The following TENM3 variants were observed in gnomAD, a reference collection of about 807,000 sequenced individuals.
TENM3 encodes teneurin-3.
A neutral mutation model predicts 255.1 loss-of-function variants in TENM3; 63 were observed. The observed-to-expected ratio is 0.25, with a 90% confidence interval of 0.20 to 0.30. The LOEUF (loss-of-function observed/expected upper bound fraction) is 0.30, where lower values mean the gene tolerates loss of function less well. TENM3 is among the 10% of genes least tolerant of loss of function. TENM3 has a pLI of 1.00. For missense variants in TENM3, 2,929 were observed against 3,461.1 expected (o/e 0.85, Z 3.86); for synonymous variants, 1,306 against 1,322.3 (o/e 0.99, Z 0.27).
chr4:182,037,533 A>G, the TENM3 span, among the ~76,000 whole-genome samples: 1 of 152,188 alleles, frequency 6.6e-6, no homozygotes, highest in South Asian at 2.1e-4. Flanking sequence ...GTATTTTCCT[A>G]GGAGATAGTT....
At chr4:181,718,601 C>T in the TENM3 span, among the ~76,000 whole-genome samples, 1 of 152,144 alleles carries the variant, frequency 6.6e-6, no homozygotes, top group Non-Finnish European at 1.5e-5. Context: ...AGGGTTTGGT[C>T]GCAATGGAAA....
intron 1 of TENM3, among the ~76,000 whole-genome samples, chr4:182,273,567 TC>T (rs1211832196): frequency 1.3e-5 from 2 of 152,212 alleles, no homozygotes; most frequent in East Asian, 1.9e-4. Context: ...TCAAACATCT[TC>T]CAGGAAGCTC....
At chr4:182,313,271 T>C (rs896323195) in intron 1 of TENM3, among the ~76,000 whole-genome samples, 4 of 151,914 alleles carry the variant, frequency 2.6e-5, no homozygotes, top group Non-Finnish European at 4.4e-5. Context: ...AGTTATTCAG[T>C]AGCTATTTTA....
chr4:182,432,409 A>G (rs1771728945), intron 3 of TENM3, among the ~76,000 whole-genome samples: 1 of 152,214 alleles, frequency 6.6e-6, no homozygotes, highest in African/African-American at 2.4e-5. Flanking sequence ...GCTTTTGTAT[A>G]TGTTAAATGC....
intron 1 of TENM3, among the ~76,000 whole-genome samples, chr4:182,173,688 A>C (rs1752255246): frequency 6.6e-6 from 1 of 152,212 alleles, no homozygotes; most frequent in African/African-American, 2.4e-5. Context: ...AATGGGTATC[A>C]TCTGCCCGTG....
intron 13 of TENM3, among the ~76,000 whole-genome samples, chr4:182,726,954 A>G (rs1454132365): frequency 6.6e-6 from 1 of 152,188 alleles, no homozygotes; most frequent in African/African-American, 2.4e-5. Context: ...TTAAAAAAAG[A>G]CTTTATTTTA....
the TENM3 span, among the ~76,000 whole-genome samples, chr4:181,938,009 G>A: frequency 6.6e-6 from 1 of 152,110 alleles, no homozygotes; most frequent in Non-Finnish European, 1.5e-5. Flanking sequence ...GATAGCAGCT[G>A]GGCCACACAA....
chr4:182,679,974 G>GGGTGT, intron 8 of TENM3, 98 bp downstream of exon 8: 1 of 1,061,002 alleles, frequency 9.4e-7, no homozygotes, highest in Non-Finnish European at 1.4e-6. Flanking sequence ...GTAATTCCTA[G>GGGTGT]GGTGTTAAAG....
the TENM3 span, among the ~76,000 whole-genome samples, chr4:181,953,697 A>G: frequency 2.0e-5 from 3 of 152,148 alleles, no homozygotes; most frequent in Non-Finnish European, 4.4e-5. Flanking sequence ...AAAAAAAGAA[A>G]GAAAGAAAAT....
At chr4:182,696,064 A>G (rs1416881066) in intron 12 of TENM3, among the ~76,000 whole-genome samples, 1 of 152,218 alleles carries the variant, frequency 6.6e-6, no homozygotes, top group Non-Finnish European at 1.5e-5. Context: ...TTGCAAATTT[A>G]ACATAAAACT....
chr4:181,757,824 A>C, the TENM3 span, among the ~76,000 whole-genome samples: 1 of 152,146 alleles, frequency 6.6e-6, no homozygotes, highest in Non-Finnish European at 1.5e-5. Flanking sequence ...TTCCACTTTT[A>C]CTATTAGAAA....
intron 5 of TENM3, among the ~76,000 whole-genome samples, chr4:182,648,496 G>A (rs923234181): frequency 6.6e-6 from 1 of 152,056 alleles, no homozygotes; most frequent in African/African-American, 2.4e-5. Context: ...GGTCAGGCTG[G>A]TCTCAAACTC....
intron 1 of TENM3, among the ~76,000 whole-genome samples, chr4:182,309,534 G>A (rs970288028): frequency 2.0e-5 from 3 of 152,248 alleles, no homozygotes; most frequent in Middle Eastern, 3.4e-3. Context: ...TCCTGCCAGC[G>A]TCTGCCTACT....
chr4:181,942,579 C>A, the TENM3 span, among the ~76,000 whole-genome samples: 1 of 152,130 alleles, frequency 6.6e-6, no homozygotes, highest in Admixed American at 6.5e-5. Context: ...AGTGAGTTTT[C>A]TTTTCTTACT....
the TENM3 span, among the ~76,000 whole-genome samples, chr4:181,675,154 ATAT>A: frequency 3.9e-5 from 6 of 152,178 alleles, no homozygotes; most frequent in Non-Finnish European, 7.4e-5. Flanking sequence ...TTTCTCAGAA[ATAT>A]TATCAAATCA....
intron 4 of TENM3, among the ~76,000 whole-genome samples, chr4:182,609,239 G>A (rs547983744): frequency 3.9e-5 from 6 of 152,326 alleles, no homozygotes; most frequent in South Asian, 2.1e-4. Context: ...TATTACAGGC[G>A]TGAGCCACCA....
Position 182,793,955 on chromosome 4 carries a change from A to C in TENM3, c.7213+70A>C, listed in dbSNP as rs1766303840. The C allele has an allele frequency of 1.4e-6, 2 of 1,390,384 alleles. No homozygotes were observed. The highest frequency in any genetic ancestry group is 1.9e-6 in the Non-Finnish European group (2 of 1,036,156). The allele number at this position is 1,390,384 out of a possible 1,614,324, so 86.1% of individuals were successfully genotyped here. ...TTAGATTAATACACAAAATAACTGGAAATGCTTTTTTAAAAAACTTTATAC... is the reference window on the plus strand; with the variant it reads ...TTAGATTAATACACAAAATAACTGGCAATGCTTTTTTAAAAAACTTTATAC... On this transcript the variant is annotated intron_variant, in intron 26 of 27. Coordinates refer to ENST00000511685, the MANE Select transcript of TENM3 (RefSeq NM_001080477.4). This position sits in a 1 kb window ranked among gnomAD's most constrained non-coding sequence, Gnocchi z 5.7.
At chr4:182,771,698 T>C (rs1764240837) in intron 22 of TENM3, among the ~76,000 whole-genome samples, 1 of 152,200 alleles carries the variant, frequency 6.6e-6, no homozygotes, top group South Asian at 2.1e-4. Context: ...TGCTTGTTCT[T>C]AAATAAACCA....
chr4:182,228,364 G>A lies in TENM3; in HGVS notation c.-76+83610G>A, dbSNP rs1168775597. 2.1e-4 allele frequency among the ~76,000 whole-genome samples: 17 copies of A among 82,636 alleles called. 1 individual carries two copies. The highest frequency in any genetic ancestry group is 3.5e-4 in the African/African-American group (7 of 19,872). The allele number at this position is 82,636 out of a possible 152,430, so 54.2% of individuals were successfully genotyped here. On this transcript the variant is annotated intron_variant, in intron 1 of 2. Transcript: ENST00000512480. ...ATATATATAATGTAATGTAATGTGT[G>A]TGTGTGTGTGTGTGTGTGTGTGTGT...
Sources: gnomAD v4.1 joint callset for allele counts (sites outside exome capture counted in the v4.1 genomes callset) on GRCh38, gnomAD v4.1.1 for gene constraint, Gnocchi (gnomAD v3.1) non-coding constraint, MANE v1.5 for transcripts, NCBI Gene and HGNC (gene_info 2026-07-23, HGNC 2026-07-21) for gene names.